Variants in COL22A1 observed in about 807,000 individuals in gnomAD.
COL22A1 encodes collagen type XXII alpha 1 chain.
A neutral mutation model predicts 248.9 loss-of-function variants in COL22A1; 221 were observed. That is an observed-to-expected ratio of 0.89 (90% confidence interval 0.80 to 0.99). The LOEUF (loss-of-function observed/expected upper bound fraction) is 0.99, where lower values mean the gene tolerates loss of function less well. Ranked by LOEUF, COL22A1 falls within the 50% of genes least tolerant of loss-of-function variation. The probability of loss-of-function intolerance (pLI) is 0.00; values close to 1 mark genes in which losing one functional copy is unlikely to be tolerated. For missense variants in COL22A1, 2,240 were observed against 2,179.0 expected (o/e 1.03, Z -0.56); for synonymous variants, 891 against 793.4 (o/e 1.12, Z -2.07).
intron 11 of COL22A1, among the ~76,000 whole-genome samples, chr8:138,802,657 A>G (rs556317757): frequency 6.6e-6 from 1 of 152,308 alleles, no homozygotes; most frequent in South Asian, 2.1e-4. Context: ...TGGGGTGGCA[A>G]GAGACAAGGC....
chr8:138,746,442 AC>A (rs1458888983), intron 22 of COL22A1, among the ~76,000 whole-genome samples: 5 of 152,320 alleles, frequency 3.3e-5, no homozygotes, highest in African/African-American at 7.2e-5. Context: ...CTAGAGAGCG[AC>A]TGAACAGGAA....
chr8:138,782,132 G>A (rs1415096338), intron 12 of COL22A1, among the ~76,000 whole-genome samples: 1 of 152,238 alleles, frequency 6.6e-6, no homozygotes, highest in Non-Finnish European at 1.5e-5. Flanking sequence ...AAGTCAGTGT[G>A]ATATTGAAAA....
At chr8:138,616,105 C>T (rs1355674228) in intron 54 of COL22A1, 51 bp from the exon 55 acceptor site, 40 of 1,460,842 alleles carry the variant, frequency 2.7e-5, no homozygotes, top group Non-Finnish European at 3.6e-5. Context: ...CAGCCACTGG[C>T]TGTCTCAACC....
At chr8:138,723,603 A>G (rs920838429) in intron 25 of COL22A1, among the ~76,000 whole-genome samples, 3 of 152,182 alleles carry the variant, frequency 2.0e-5, no homozygotes, top group Non-Finnish European at 2.9e-5. Flanking sequence ...GAGCTTTCAG[A>G]TGATCCCGTC....
intron 5 of COL22A1, among the ~76,000 whole-genome samples, chr8:138,827,528 G>T (rs1819688047): frequency 1.3e-5 from 2 of 151,956 alleles, no homozygotes; most frequent in Admixed American, 1.3e-4. Flanking sequence ...GGCCAGAATA[G>T]ACTGGGATGT....
intron 4 of COL22A1, among the ~76,000 whole-genome samples, chr8:138,838,635 CA>C (rs1244053409): frequency 8.7e-6 from 1 of 114,978 alleles, no homozygotes; most frequent in Non-Finnish European, 1.8e-5. Flanking sequence ...AAACTTGGAA[CA>C]ACAAGGAATT....
chr8:138,709,832 C>G (rs1341236611), intron 30 of COL22A1, among the ~76,000 whole-genome samples: 3 of 152,130 alleles, frequency 2.0e-5, no homozygotes, highest in Non-Finnish European at 2.9e-5. Flanking sequence ...CTGTTGATGA[C>G]ATTTATGTGG....
chr8:138,775,013 CTA>C (rs1814291017), intron 16 of COL22A1, among the ~76,000 whole-genome samples: 1 of 152,116 alleles, frequency 6.6e-6, no homozygotes, highest in African/African-American at 2.4e-5. Flanking sequence ...GGATTACAGG[CTA>C]TGTTTCACTA....
At chr8:138,621,990 G>A (rs1390408674) in intron 52 of COL22A1, among the ~76,000 whole-genome samples, 1 of 152,190 alleles carries the variant, frequency 6.6e-6, no homozygotes, top group African/African-American at 2.4e-5. Context: ...ATGAATTTTG[G>A]TTTCAGCATC....
At chr8:138,813,368 C>G (rs549583778) in intron 7 of COL22A1, among the ~76,000 whole-genome samples, 2 of 152,164 alleles carry the variant, frequency 1.3e-5, no homozygotes, top group African/African-American at 4.8e-5. Flanking sequence ...ATAAGTGTCA[C>G]GAGATCTGAT....
chr8:138,674,503 G>A (rs1020672377), intron 41 of COL22A1, among the ~76,000 whole-genome samples: 1 of 152,220 alleles, frequency 6.6e-6, no homozygotes, highest in Non-Finnish European at 1.5e-5. Context: ...ATAAGTCCAA[G>A]AGGTAGCCAA....
chr8:138,837,770 G>C (rs1820549324), intron 4 of COL22A1, among the ~76,000 whole-genome samples: 1 of 152,164 alleles, frequency 6.6e-6, no homozygotes, highest in Non-Finnish European at 1.5e-5. Flanking sequence ...CCATGAAACT[G>C]GTGCCTAAAG....
At chr8:138,841,133 C>G (rs1410203966) in intron 4 of COL22A1, among the ~76,000 whole-genome samples, 2 of 152,166 alleles carry the variant, frequency 1.3e-5, no homozygotes, top group African/African-American at 4.8e-5. Context: ...TCCAACCATT[C>G]ATGTTTTCAT....
intron 47 of COL22A1, among the ~76,000 whole-genome samples, chr8:138,637,812 T>C (rs1359192696): frequency 1.3e-5 from 2 of 152,182 alleles, no homozygotes; most frequent in East Asian, 3.9e-4. Context: ...ATTGTCAGTA[T>C]CACCATGATG....
chr8:138,698,092 G>T (rs1174658193), intron 32 of COL22A1, among the ~76,000 whole-genome samples: 2 of 152,216 alleles, frequency 1.3e-5, no homozygotes, highest in Admixed American at 1.3e-4. Flanking sequence ...TTTAAGGAGA[G>T]GCTGGACATG....
intron 63 of COL22A1, among the ~76,000 whole-genome samples, chr8:138,591,764 A>G (rs919335109): frequency 5.3e-5 from 8 of 152,180 alleles, no homozygotes; most frequent in African/African-American, 1.9e-4. Flanking sequence ...TCCTAAACAC[A>G]TATCTACATA....
At chr8:138,881,941 A>T (rs1429841308) in intron 2 of COL22A1, among the ~76,000 whole-genome samples, 1 of 152,048 alleles carries the variant, frequency 6.6e-6, no homozygotes, top group African/African-American at 2.4e-5. Flanking sequence ...CCATGTTGCC[A>T]TGTCTCTCCC....
intron 32 of COL22A1, among the ~76,000 whole-genome samples, chr8:138,695,337 T>C (rs963080460): frequency 1.3e-5 from 2 of 152,092 alleles, no homozygotes; most frequent in African/African-American, 4.8e-5. Flanking sequence ...TTTCTCCCTC[T>C]CTTTCTCTCT....
intron 15 of COL22A1, among the ~76,000 whole-genome samples, chr8:138,776,909 C>T (rs1223264009): frequency 6.6e-6 from 1 of 152,198 alleles, no homozygotes; most frequent in East Asian, 1.9e-4. Flanking sequence ...GGCTACTGCC[C>T]TACTCTGAGA....
Sources: gnomAD v4.1 joint callset for allele counts (sites outside exome capture counted in the v4.1 genomes callset) on GRCh38, gnomAD v4.1.1 for gene constraint, MANE v1.5 for transcripts, NCBI Gene and HGNC (gene_info 2026-07-23, HGNC 2026-07-21) for gene names.